Variants in HUNK observed in about 807,000 individuals in gnomAD.
HUNK encodes hormonally up-regulated Neu-associated kinase.
In HUNK, 21 loss-of-function variants were observed where a neutral mutation model predicts 61.0. The ratio of observed to expected loss-of-function variants is 0.34; its 90% confidence interval spans 0.24 to 0.50. The LOEUF is 0.50. HUNK is among the 20% of genes least tolerant of loss of function. HUNK has a pLI of 0.98. For synonymous variants in HUNK, 371 were observed against 386.1 expected, an observed-to-expected ratio of 0.96 and a Z score of 0.46; for missense variants, 772 against 945.7, an observed-to-expected ratio of 0.82 and a Z score of 2.41.
chr21:31,947,407 C>T (rs1404594838), intron 4 of HUNK, among the ~76,000 whole-genome samples: 3 of 152,262 alleles, frequency 2.0e-5, no homozygotes, highest in Non-Finnish European at 4.4e-5. Flanking sequence ...CATTCTCAAG[C>T]CAATGGCGTC....
chr21:31,998,546 A>G lies in HUNK; in HGVS notation c.1507A>G (p.Ile503Val). ...PDKDSFGCRN[I>V]FRKTSDSNCV... ...TGCAGATTCCTTTGGCTGCCGCAAT[A>G]TTTTCCGCAAAACCTCAGATTCCAA... Residue 503 changes from isoleucine (I) to valine (V), a missense_variant, in exon 11 of 11, where the codon ATT becomes GTT. Coordinates refer to ENST00000270112, the MANE Select transcript of HUNK (RefSeq NM_014586.2). 2 of 1,596,270 alleles carry G rather than the reference A, an allele frequency of 1.3e-6. No individual in the cohort carries two copies. The highest frequency in any genetic ancestry group is 1.1e-5 in the South Asian group (1 of 88,586).
At chr21:31,959,011 G>T (rs1240602733) in intron 5 of HUNK, 41 bp downstream of exon 5, 5 of 1,522,850 alleles carry the variant, frequency 3.3e-6, no homozygotes, top group South Asian at 1.3e-5. Flanking sequence ...CAGGACTGCT[G>T]TCGTGACCAG....
intron 4 of HUNK, among the ~76,000 whole-genome samples, chr21:31,955,154 A>C (rs890761002): frequency 6.6e-6 from 1 of 152,032 alleles, no homozygotes; most frequent in East Asian, 1.9e-4. Context: ...ACCACACGCT[A>C]TTCCAGTCAC....
rs370739848 is a variant in HUNK, at chr21:31,982,548, C to T, written c.1174-978C>T. Among the ~76,000 whole-genome samples, 18 of 152,238 alleles carry T rather than the reference C, an allele frequency of 1.2e-4. No homozygotes were observed. The South Asian group carries it at 3.5e-3, about 30-fold the overall frequency. ...TTTTGGTTTCCTCTTTTTAAAACCA[C>T]GAAGTTCGTATTTTAAGATAGAGAG... On this transcript the variant is annotated intron_variant, in intron 7 of 10. Coordinates refer to ENST00000270112, the MANE Select transcript of HUNK (RefSeq NM_014586.2).
chr21:31,996,008 A>G (rs953686896), intron 10 of HUNK, 60 bp downstream of exon 10: 9 of 1,291,096 alleles, frequency 7.0e-6, no homozygotes, highest in Middle Eastern at 2.2e-4. Flanking sequence ...TCCGCTGTGT[A>G]GCCCTCACAG....
chr21:31,898,563 G>A (rs1259553269), intron 1 of HUNK, among the ~76,000 whole-genome samples: 1 of 152,252 alleles, frequency 6.6e-6, no homozygotes, highest in East Asian at 1.9e-4. Context: ...CACCACGCCC[G>A]GCCGTGGATT....
chr21:31,918,702 C>T (rs943572521), intron 1 of HUNK, among the ~76,000 whole-genome samples: 2 of 152,186 alleles, frequency 1.3e-5, no homozygotes, highest in African/African-American at 4.8e-5. Context: ...TGATCCCCTC[C>T]GTCTTTTAAA....
At chr21:31,879,087 T>TAA (rs1035633966) in intron 1 of HUNK, among the ~76,000 whole-genome samples, 3 of 152,232 alleles carry the variant, frequency 2.0e-5, no homozygotes, top group African/African-American at 7.2e-5. Flanking sequence ...AAGGAGTTAC[T>TAA]AAAAATACGA....
chr21:31,935,885 T>G (rs2052730313), intron 2 of HUNK, among the ~76,000 whole-genome samples: 1 of 152,108 alleles, frequency 6.6e-6, no homozygotes, highest in South Asian at 2.1e-4. Context: ...GTGGCACAAT[T>G]TTGGCTCACT....
intron 2 of HUNK, among the ~76,000 whole-genome samples, chr21:31,936,779 A>G (rs999368655): frequency 2.0e-5 from 3 of 151,200 alleles, no homozygotes; most frequent in African/African-American, 7.3e-5. Flanking sequence ...CGTTTATATC[A>G]TTCTTCTAAT....
chr21:31,895,656 C>G (rs549776702), intron 1 of HUNK, among the ~76,000 whole-genome samples: 1 of 152,338 alleles, frequency 6.6e-6, no homozygotes, highest in East Asian at 1.9e-4. Flanking sequence ...CCATGCCTCA[C>G]TGGTGCCCAG....
chr21:31,957,384 G>T (rs955897277), intron 4 of HUNK, among the ~76,000 whole-genome samples: 27 of 152,196 alleles, frequency 1.8e-4, no homozygotes, highest in Admixed American at 1.8e-3. Context: ...CTGTGAGTGG[G>T]AACCAGGTCT....
chr21:31,950,060 C>G (rs1378376982), intron 4 of HUNK, among the ~76,000 whole-genome samples: 1 of 152,202 alleles, frequency 6.6e-6, no homozygotes, highest in Admixed American at 6.5e-5. Context: ...TTGCCCTAGG[C>G]CCCTGAATCA....
chr21:31,983,654 G>T, intron 8 of HUNK, 45 bp downstream of exon 8: 1 of 1,375,066 alleles, frequency 7.3e-7, no homozygotes, highest in Non-Finnish European at 1.0e-6. Context: ...TAGGAAGGGT[G>T]GATTTCCATT....
At chr21:31,980,379 C>CTTT (rs35350096) in intron 7 of HUNK, among the ~76,000 whole-genome samples, 5 of 84,542 alleles carry the variant, frequency 5.9e-5, no homozygotes, top group African/African-American at 7.1e-5. Flanking sequence ...CTGTCTTCTT[C>CTTT]TTTTTTTTTT....
Position 31,873,498 on chromosome 21 carries a change from C to T in HUNK, c.-177C>T. 2.9e-6 allele frequency: 1 copy of T among 350,458 alleles called. No homozygotes were observed. The highest frequency in any genetic ancestry group is 4.0e-6 in the Non-Finnish European group (1 of 249,734). The allele number at this position is 350,458 out of a possible 1,614,324, so 21.7% of individuals were successfully genotyped here. On this transcript the variant is annotated 5_prime_UTR_variant, in exon 1 of 11. Transcript: ENST00000270112. This position sits in a 1 kb window ranked among gnomAD's most constrained non-coding sequence, Gnocchi z 6.1. ...CTGGGCAGCCGCTATTGTCTACGCGCCTCGCTGGGCGGCGCGGGGGGCGTG... is the reference window on the plus strand; with the variant it reads ...CTGGGCAGCCGCTATTGTCTACGCGTCTCGCTGGGCGGCGCGGGGGGCGTG...
At chr21:31,902,569 T>C (rs758115909) in intron 1 of HUNK, among the ~76,000 whole-genome samples, 9 of 152,114 alleles carry the variant, frequency 5.9e-5, no homozygotes, top group Admixed American at 2.6e-4. Flanking sequence ...GCATGTATAG[T>C]GTTTCGTAGG....
At chr21:31,875,159 G>A (rs2052250985) in intron 1 of HUNK, among the ~76,000 whole-genome samples, 1 of 152,194 alleles carries the variant, frequency 6.6e-6, no homozygotes, top group South Asian at 2.1e-4. Context: ...TGGGAGCCGA[G>A]CCCTCTGCCT....
At chr21:31,932,702 A>G (rs1019448794) in intron 2 of HUNK, among the ~76,000 whole-genome samples, 6 of 151,948 alleles carry the variant, frequency 3.9e-5, no homozygotes, top group African/African-American at 1.5e-4. Context: ...GGAACTGCCT[A>G]ATGAGCAGAG....
Sources: allele counts gnomAD v4.1 joint callset (sites outside exome capture counted in the v4.1 genomes callset), GRCh38; gene constraint gnomAD v4.1.1; non-coding constraint Gnocchi (gnomAD v3.1); transcripts MANE v1.5; gene names NCBI Gene and HGNC (gene_info 2026-07-23, HGNC 2026-07-21).